The following CEP63 variants were observed in gnomAD, a reference collection of about 807,000 sequenced individuals.
The protein encoded by CEP63 is centrosomal protein of 63 kDa.
CEP63 carries 84 observed loss-of-function variants against 89.1 expected under a neutral mutation model. The ratio of observed to expected loss-of-function variants is 0.94; its 90% CI spans 0.79 to 1.13. The LOEUF (loss-of-function observed/expected upper bound fraction) is 1.13, where lower values mean the gene tolerates loss of function less well. Ranked by LOEUF, CEP63 falls within the 50% of genes most tolerant of loss-of-function variation. The probability of loss-of-function intolerance (pLI) is 0.00; values close to 1 mark genes in which losing one functional copy is unlikely to be tolerated. For missense variants in CEP63, 838 were observed against 813.3 expected (o/e 1.03, Z -0.37); for synonymous variants, 267 against 272.5 (o/e 0.98, Z 0.20).
chr3:134,732,769 T>C, the CEP63 span, among the ~76,000 whole-genome samples: 2 of 152,084 alleles, frequency 1.3e-5, no homozygotes, highest in African/African-American at 4.8e-5. Context: ...TGTCCTGACA[T>C]AAAAGAAAAT....
the CEP63 span, among the ~76,000 whole-genome samples, chr3:134,595,043 G>T: frequency 6.6e-6 from 1 of 152,224 alleles, no homozygotes; most frequent in African/African-American, 2.4e-5. Context: ...TGGGAAGCCA[G>T]TGCTCCCCAC....
the CEP63 span, among the ~76,000 whole-genome samples, chr3:134,745,581 C>T: frequency 2.6e-5 from 4 of 152,068 alleles, no homozygotes; most frequent in Non-Finnish European, 4.4e-5. Context: ...ATGTGCGCAA[C>T]GTGCAGATTT....
At chr3:134,574,822 G>T (rs902315907) in exon 12 of CEP63, 18 of 622,844 alleles carry the variant, frequency 2.9e-5, no homozygotes, top group Non-Finnish European at 5.0e-5. Flanking sequence ...TGTCCAGTCT[G>T]GTTTTGAACT....
chr3:134,634,759 G>A, the CEP63 span, among the ~76,000 whole-genome samples: 5 of 152,172 alleles, frequency 3.3e-5, no homozygotes, highest in Non-Finnish European at 7.4e-5. Context: ...CATAGAGAGG[G>A]CCAACTTTTC....
the CEP63 span, among the ~76,000 whole-genome samples, chr3:134,674,200 A>T: frequency 6.6e-6 from 1 of 152,232 alleles, no homozygotes; most frequent in East Asian, 1.9e-4. Flanking sequence ...TCAACAAAAT[A>T]TAGGCAAACC....
At chr3:134,500,546 A>C (rs534496400) in intron 2 of CEP63, among the ~76,000 whole-genome samples, 1 of 152,308 alleles carries the variant, frequency 6.6e-6, no homozygotes, top group Admixed American at 6.5e-5. Context: ...GGGTTGAACT[A>C]ATTTACATTC....
chr3:134,590,368 A>G (rs1958576160), downstream of CEP63, among the ~76,000 whole-genome samples: 1 of 152,244 alleles, frequency 6.6e-6, no homozygotes, highest in Non-Finnish European at 1.5e-5. Context: ...AGGTCAATGC[A>G]TGACAATAGT....
At chr3:134,708,929 G>C in the CEP63 span, among the ~76,000 whole-genome samples, 1 of 151,940 alleles carries the variant, frequency 6.6e-6, no homozygotes, top group Non-Finnish European at 1.5e-5. Flanking sequence ...TTTTATGAGA[G>C]ATTAAGGAGT....
the CEP63 span, among the ~76,000 whole-genome samples, chr3:134,618,139 G>C: frequency 7.2e-5 from 11 of 152,140 alleles, no homozygotes; most frequent in Non-Finnish European, 7.3e-5. Context: ...AGGAGGCTTA[G>C]AGTAACTCAG....
chr3:134,528,855 G>T (rs1949280747), intron 3 of CEP63, among the ~76,000 whole-genome samples: 1 of 152,106 alleles, frequency 6.6e-6, no homozygotes, highest in African/African-American at 2.4e-5. Flanking sequence ...TAGGAAATAC[G>T]AATAGTTAAG....
downstream of CEP63, among the ~76,000 whole-genome samples, chr3:134,592,503 T>TGTGTGA (rs1958618624): frequency 2.0e-5 from 3 of 151,464 alleles, no homozygotes; most frequent in South Asian, 6.3e-4. Flanking sequence ...TGTGTGTGTG[T>TGTGTGA]GTGTGTGTGT....
At chr3:134,746,136 T>C in the CEP63 span, among the ~76,000 whole-genome samples, 6 of 152,066 alleles carry the variant, frequency 3.9e-5, no homozygotes, top group African/African-American at 9.6e-5. Context: ...GTTCTCATTG[T>C]TCAACTCCTA....
chr3:134,543,728 A>G (rs1952551056), intron 6 of CEP63, among the ~76,000 whole-genome samples: 1 of 152,240 alleles, frequency 6.6e-6, no homozygotes, highest in Admixed American at 6.5e-5. Context: ...TGCTGTACAG[A>G]TTAAGGGTAG....
chr3:134,505,966 C>T (rs77205790), intron 2 of CEP63, among the ~76,000 whole-genome samples: 2,460 of 152,252 alleles, frequency 0.016, 57 homozygotes, highest in African/African-American at 0.055. Flanking sequence ...ATGTCATGGT[C>T]ACAGCATTTT....
the CEP63 span, chr3:134,651,285 C>G: frequency 2.5e-6 from 3 of 1,188,508 alleles, no homozygotes; most frequent in Non-Finnish European, 3.2e-6. Flanking sequence ...GCCCCTGCCT[C>G]CCGCCCGGTG....
At chr3:134,766,215 G>A in the CEP63 span, among the ~76,000 whole-genome samples, 3 of 152,150 alleles carry the variant, frequency 2.0e-5, no homozygotes, top group African/African-American at 4.8e-5. Context: ...ACCTCTCCCC[G>A]CAGCTTTCAT....
chr3:134,555,908 A>G (rs909129940), intron 12 of CEP63, among the ~76,000 whole-genome samples: 3 of 152,126 alleles, frequency 2.0e-5, no homozygotes, highest in African/African-American at 7.2e-5. Context: ...ACAGCATGGT[A>G]CTGGTACCAA....
Position 134,564,797 on chromosome 3 carries a change from C to A in CEP63, c.*3262C>A, listed in dbSNP as rs141116914. 2 of 985,368 alleles carry A rather than the reference C, an allele frequency of 2.0e-6. No individual in the cohort carries two copies. The highest frequency in any genetic ancestry group is 2.4e-6 in the Non-Finnish European group (2 of 829,900). 61.0% of individuals were successfully genotyped at this position (985,368 alleles called of 1,614,324 possible). On this transcript the variant is annotated 3_prime_UTR_variant, in exon 15 of 15. Coordinates refer to ENST00000675561, the MANE Select transcript of CEP63 (RefSeq NM_001353108.3). ...TGTAGACTGCAGCCCGTTTCTGAAA[C>A]GTTTGTACTACGTGTTGACTAGGAG...
chr3:134,592,067 G>A (rs372868932), downstream of CEP63, among the ~76,000 whole-genome samples: 1 of 152,108 alleles, frequency 6.6e-6, no homozygotes, highest in Non-Finnish European at 1.5e-5. Flanking sequence ...TTGGCTCTGG[G>A]TCTTTCATGA....
Sources: allele counts gnomAD v4.1 joint callset (sites outside exome capture counted in the v4.1 genomes callset), GRCh38; gene constraint gnomAD v4.1.1; transcripts MANE v1.5; gene names NCBI Gene and HGNC (gene_info 2026-07-23, HGNC 2026-07-21).